DPYD: variants seen among roughly 807,000 people sequenced by gnomAD.
The protein encoded by DPYD is dihydropyrimidine dehydrogenase [NADP(+)].
Under a neutral mutation model 116.2 loss-of-function variants are expected in DPYD, and 109 were observed. The ratio of observed to expected loss-of-function variants is 0.94; its 90% CI spans 0.80 to 1.10. The LOEUF (loss-of-function observed/expected upper bound fraction) is 1.10, where lower values mean the gene tolerates loss of function less well. Ranked by LOEUF, DPYD falls within the 50% of genes least tolerant of loss-of-function variation. DPYD has a pLI of 0.00. For missense variants in DPYD, 1,302 were observed against 1,254.5 expected, an observed-to-expected ratio of 1.04 and a Z score of -0.57; for synonymous variants, 440 against 432.0, an observed-to-expected ratio of 1.02 and a Z score of -0.23.
At chr1:97,485,625 A>AT (rs11305940) in intron 13 of DPYD, among the ~76,000 whole-genome samples, 2 of 151,900 alleles carry the variant, frequency 1.3e-5, no homozygotes, top group Non-Finnish European at 2.9e-5. Context: ...AATTCATTGA[A>AT]TTTTTTTATT....
At chr1:97,352,643 A>T (rs1464459369) in intron 16 of DPYD, among the ~76,000 whole-genome samples, 2 of 152,014 alleles carry the variant, frequency 1.3e-5, no homozygotes, top group African/African-American at 2.4e-5. Flanking sequence ...TTTCAAAAAA[A>T]ACTACTCTGG....
chr1:97,213,084 C>T (rs907412316), intron 19 of DPYD, among the ~76,000 whole-genome samples: 1 of 151,988 alleles, frequency 6.6e-6, no homozygotes, highest in African/African-American at 2.4e-5. Flanking sequence ...AATAGGGGCT[C>T]TCTGGAGTCT....
chr1:97,145,608 TAAG>T (rs1196892726), intron 20 of DPYD, among the ~76,000 whole-genome samples: 4 of 152,130 alleles, frequency 2.6e-5, no homozygotes, highest in Non-Finnish European at 5.9e-5. Flanking sequence ...GGTATTATAA[TAAG>T]CACTAAAATA....
In DPYD at chr1:97,767,753, G is replaced by C. The variant is rs200388720; in HGVS notation, c.234-27274C>G. 1.3e-3 allele frequency among the ~76,000 whole-genome samples: 166 copies of C among 130,088 alleles called. No individual in the cohort carries two copies. The East Asian group carries it at 0.026, about 21-fold the overall frequency. The allele number at this position is 130,088 out of a possible 152,430, so 85.3% of individuals were successfully genotyped here. A position where few individuals can be genotyped will look rare whatever the true frequency, so the allele number is the denominator to read the frequency against. On this transcript the variant is annotated intron_variant, in intron 3 of 22. Coordinates refer to ENST00000370192, the MANE Select transcript of DPYD (RefSeq NM_000110.4). Reference sequence around the variant, plus strand: ...ATTTGAAGCCACTGAGTTTGGGGCTGGCTTTTTTTTTTTTTTTTTTTTGCA... The same window carrying C: ...ATTTGAAGCCACTGAGTTTGGGGCTCGCTTTTTTTTTTTTTTTTTTTTGCA...
chr1:97,860,492 T>C (rs982732288), intron 2 of DPYD, among the ~76,000 whole-genome samples: 12 of 152,160 alleles, frequency 7.9e-5, no homozygotes, highest in African/African-American at 2.2e-4. Flanking sequence ...AACATATCTA[T>C]AGTGGAAACC....
At chr1:97,851,879 C>T (rs1443729373) in intron 2 of DPYD, among the ~76,000 whole-genome samples, 1 of 151,590 alleles carries the variant, frequency 6.6e-6, no homozygotes, top group African/African-American at 2.4e-5. Flanking sequence ...ATGCTTAAAG[C>T]TTGCATCTTT....
At chr1:97,616,618 A>T (rs920988906) in intron 8 of DPYD, among the ~76,000 whole-genome samples, 2 of 152,152 alleles carry the variant, frequency 1.3e-5, no homozygotes, top group Non-Finnish European at 2.9e-5. Flanking sequence ...AATATTAAAA[A>T]CCGTCTCTAA....
intron 10 of DPYD, among the ~76,000 whole-genome samples, chr1:97,590,322 C>T (rs889673172): frequency 3.2e-4 from 49 of 152,188 alleles, no homozygotes; most frequent in African/African-American, 1.1e-3. Context: ...CAAAGGCCTA[C>T]TGTTATAATA....
intron 19 of DPYD, among the ~76,000 whole-genome samples, chr1:97,213,704 T>A (rs1660192073): frequency 1.3e-5 from 2 of 152,204 alleles, no homozygotes; most frequent in Non-Finnish European, 2.9e-5. Context: ...GAAACTGCTG[T>A]AGGTAAGCTG....
At chr1:97,700,318 G>A (rs968620374) in intron 5 of DPYD, 3 of 455,070 alleles carry the variant, frequency 6.6e-6, no homozygotes, top group Admixed American at 2.4e-5. Context: ...GCAAAATAAA[G>A]TACAGAAGAG....
chr1:97,455,899 T>C (rs1676656543), intron 13 of DPYD, among the ~76,000 whole-genome samples: 1 of 151,930 alleles, frequency 6.6e-6, no homozygotes, highest in African/African-American at 2.4e-5. Flanking sequence ...AATATCTGAA[T>C]TAGTGACAGA....
At chr1:97,467,863 G>A (rs2101842028) in intron 13 of DPYD, among the ~76,000 whole-genome samples, 1 of 152,176 alleles carries the variant, frequency 6.6e-6, no homozygotes, top group African/African-American at 2.4e-5. Flanking sequence ...AACCCACAAT[G>A]GGCACTGAAC....
At chr1:97,622,129 CT>C (rs1571076685) in intron 8 of DPYD, among the ~76,000 whole-genome samples, 2 of 151,966 alleles carry the variant, frequency 1.3e-5, no homozygotes, top group East Asian at 3.9e-4. Context: ...TAGGTGTGGC[CT>C]GCTCATAGTG....
intron 18 of DPYD, among the ~76,000 whole-genome samples, chr1:97,275,772 A>G (rs1664892951): frequency 6.6e-6 from 1 of 152,090 alleles, no homozygotes; most frequent in Admixed American, 6.6e-5. Flanking sequence ...TTTCCAGGAA[A>G]TCTTCCTTCA....
intron 14 of DPYD, among the ~76,000 whole-genome samples, chr1:97,434,383 T>A (rs1675348192): frequency 1.3e-5 from 2 of 152,038 alleles, no homozygotes; most frequent in Admixed American, 1.3e-4. Flanking sequence ...ATGTACACAA[T>A]GGATAATTAG....
At chr1:97,897,036 T>G (rs1332596394) in intron 1 of DPYD, among the ~76,000 whole-genome samples, 1 of 151,924 alleles carries the variant, frequency 6.6e-6, no homozygotes, top group African/African-American at 2.4e-5. Context: ...TTACCTACTA[T>G]TGTTTCCTTT....
chr1:97,223,380 T>C (rs201985434), intron 19 of DPYD, among the ~76,000 whole-genome samples: 1 of 117,818 alleles, frequency 8.5e-6, no homozygotes, highest in Non-Finnish European at 1.8e-5. Flanking sequence ...GCAGAAAAGA[T>C]AGAATTAAAC....
chr1:97,131,218 T>A (rs1426566789), intron 20 of DPYD, among the ~76,000 whole-genome samples: 1 of 152,086 alleles, frequency 6.6e-6, no homozygotes, highest in Non-Finnish European at 1.5e-5. Flanking sequence ...TGGCTTTTGG[T>A]CAAAGTTGAG....
chr1:97,590,339 T>C (rs2102242836), intron 10 of DPYD, among the ~76,000 whole-genome samples: 1 of 152,328 alleles, frequency 6.6e-6, no homozygotes, highest in South Asian at 2.1e-4. Context: ...AATATTTATC[T>C]AACTTGGAAG....
Sources: allele counts gnomAD v4.1 joint callset (sites outside exome capture counted in the v4.1 genomes callset), GRCh38; gene constraint gnomAD v4.1.1; transcripts MANE v1.5; gene names NCBI Gene and HGNC (gene_info 2026-07-23, HGNC 2026-07-21).